GNPDA1: variants seen among roughly 807,000 people sequenced by gnomAD.
GNPDA1 encodes the protein GNPDA 1.
GNPDA1 carries 24 observed loss-of-function variants against 28.5 expected under a neutral mutation model. That is an observed-to-expected ratio of 0.84 (90% CI 0.61 to 1.19). The LOEUF is 1.19. Among genes scored for constraint, GNPDA1 ranks in the 50% most tolerant of loss-of-function variants. The probability of loss-of-function intolerance (pLI) is 0.00; values close to 1 mark genes in which losing one functional copy is unlikely to be tolerated. For synonymous variants in GNPDA1, 147 were observed against 139.3 expected, an observed-to-expected ratio of 1.06 and a Z score of -0.39; for missense variants, 264 against 367.3, an observed-to-expected ratio of 0.72 and a Z score of 2.30.
In GNPDA1 at chr5:142,001,234, C is replaced by G. The variant is rs559601788; in HGVS notation, c.*795G>C. Reference sequence around the variant, plus strand: ...GTCTGTTGCCCCAGTGGACCTCCCACTTACTAATGAGTATGTAAAACAGAG... The same window carrying G: ...GTCTGTTGCCCCAGTGGACCTCCCAGTTACTAATGAGTATGTAAAACAGAG... On this transcript the variant is annotated 3_prime_UTR_variant, in exon 7 of 7. Transcript: ENST00000311337. 1 of 151,918 alleles carries G rather than the reference C, an allele frequency of 6.6e-6. No individual in the cohort carries two copies. The highest frequency in any genetic ancestry group is 2.1e-4 in the South Asian group (1 of 4,794). The allele number at this position is 151,918 out of a possible 1,614,324, so 9.4% of individuals were successfully genotyped here.
Position 142,001,911 on chromosome 5 carries a change from A to C in GNPDA1, c.*118T>G. On this transcript the variant is annotated 3_prime_UTR_variant, in exon 7 of 7. Coordinates refer to ENST00000311337, the MANE Select transcript of GNPDA1 (RefSeq NM_005471.5). The stretch of plus-strand genomic sequence containing the variant: ...CCTCATGGCCAAGAACAATAAGTTC[A>C]CCCACTTATCTGGAGTAACCATACT... 6 of 499,738 alleles carry C rather than the reference A, an allele frequency of 1.2e-5. No individual in the cohort carries two copies. The Middle Eastern group carries it at 1.1e-3, about 94-fold the overall frequency. 31.0% of individuals were successfully genotyped at this position (499,738 alleles called of 1,614,324 possible). A position where few individuals can be genotyped will look rare whatever the true frequency, so the allele number is the denominator to read the frequency against.
Position 142,006,269 on chromosome 5 carries a change from T to G in GNPDA1, c.284A>C (p.Lys95Thr). The change falls in exon 4 of 7, where the codon AAG becomes ACG. Residue 95 changes from lysine (K) to threonine (T), a missense_variant. Physicochemically the swap from Lys to Thr is moderately conservative, Grantham distance 78. Coordinates refer to ENST00000311337, the MANE Select transcript of GNPDA1 (RefSeq NM_005471.5). ...YHSFMWNNFF[K>T]HIDIHPENTH... ...GTTTTCTGGGTGGATGTCAATGTGC[T>G]TGAAGAAGTTGTTCCACATGAAGGA... 3 of 1,614,092 alleles carry G rather than the reference T, an allele frequency of 1.9e-6. No homozygotes were observed. The highest frequency in any genetic ancestry group is 2.5e-6 in the Non-Finnish European group (3 of 1,179,934).
chr5:142,006,094 T>C (rs1439369309), intron 4 of GNPDA1, 50 bp downstream of exon 4: 3 of 1,491,532 alleles, frequency 2.0e-6, no homozygotes, highest in South Asian at 2.4e-5. Context: ...CTTGTCCTCC[T>C]TCCCACGGGT....
In GNPDA1 at chr5:142,004,199, C is replaced by T. The variant is rs77770814; in HGVS notation, c.594+733G>A. The stretch of plus-strand genomic sequence containing the variant: ...TAAAAACAGCGAGTAAACACCCCCA[C>T]CCCACGTACTGATTGAAGATTACCC... On this transcript the variant is annotated intron_variant, in intron 5 of 6. Transcript: ENST00000311337. 3.7e-3 allele frequency among the ~76,000 whole-genome samples: 571 copies of T among 152,294 alleles called. 2 individuals carry two copies. Among genetic ancestry groups the T allele is most frequent in the African/African-American group, 0.013 (539 of 41,554 alleles).
chr5:142,011,856 CT>C (rs1755965652), intron 2 of GNPDA1, 55 bp downstream of exon 2: 2 of 1,600,172 alleles, frequency 1.2e-6, no homozygotes, highest in Non-Finnish European at 8.6e-7. Context: ...TACCTGGCCC[CT>C]GTTGCCTACT....
Position 142,003,003 on chromosome 5 carries a change from A to C in GNPDA1, c.769+85T>G. On this transcript the variant is annotated intron_variant, in intron 6 of 6. Transcript: ENST00000311337. The surrounding 1 kb of genome is among the most constrained non-coding windows in gnomAD (Gnocchi z 4.0). ...AAGATTACAGTTGTCAATTAAAATG[A>C]CCAGAGGATGAAAGCTGGATCTACT... 8.5e-6 allele frequency: 9 copies of C among 1,062,596 alleles called. No homozygotes were observed. Among genetic ancestry groups the C allele is most frequent in the Non-Finnish European group, 1.3e-5 (9 of 719,712 alleles). 65.8% of individuals were successfully genotyped at this position (1,062,596 alleles called of 1,614,324 possible).
chr5:142,004,028 G>A (rs1238060102), intron 5 of GNPDA1, among the ~76,000 whole-genome samples: 1 of 152,152 alleles, frequency 6.6e-6, no homozygotes, highest in Non-Finnish European at 1.5e-5. Flanking sequence ...AAGCAGAGAG[G>A]GAATGTGACT....
In GNPDA1 at chr5:142,006,129, G is replaced by A. The variant is rs200140175; in HGVS notation, c.409+15C>T. The A allele has an allele frequency of 8.5e-4, 1,361 of 1,604,014 alleles. No individual in the cohort carries two copies. The highest frequency in any genetic ancestry group is 1.1e-3 in the Non-Finnish European group (1,301 of 1,172,898). ...TCTGGCCCTGGACATGTGTGCTGCA[G>A]AGTGTCAAGCTCACCTCCAACAAAT... On this transcript the variant is annotated intron_variant, in intron 4 of 6. Transcript: ENST00000311337.
intron 3 of GNPDA1, among the ~76,000 whole-genome samples, chr5:142,007,336 T>C (rs1755832864): frequency 2.0e-5 from 3 of 152,120 alleles, no homozygotes; most frequent in African/African-American, 7.2e-5. Context: ...GTATAGTCTT[T>C]CAGCAGCAGG....
At chr5:142,010,960 C>G (rs1755937515) in intron 2 of GNPDA1, among the ~76,000 whole-genome samples, 1 of 151,746 alleles carries the variant, frequency 6.6e-6, no homozygotes, top group Non-Finnish European at 1.5e-5. Context: ...ATTGTCTTTT[C>G]TTTTTTTGAG....
rs761115700 is a variant in GNPDA1 at position 142,003,071 on chromosome 5, A to G, written c.769+17T>C. On this transcript the variant is annotated intron_variant, in intron 6 of 6. Transcript: ENST00000311337. The surrounding 1 kb of genome is among the most constrained non-coding windows in gnomAD (Gnocchi z 4.0). ...CCTAAGCTTGACCACCTCCTCCTGG[A>G]CCCACACCTCCCTCACCTTTGAAAT... 1.0e-5 allele frequency: 16 copies of G among 1,605,236 alleles called. No homozygotes were observed. Among genetic ancestry groups the G allele is most frequent in the Non-Finnish European group, 1.4e-5 (16 of 1,174,848 alleles).
chr5:142,012,401 G>C (rs945771160), intron 1 of GNPDA1: 1 of 170,812 alleles, frequency 5.9e-6, no homozygotes, highest in Non-Finnish European at 1.3e-5. Context: ...AATATGAAAT[G>C]AGAGAATGCA....
At chr5:142,007,674 T>C in intron 3 of GNPDA1, 125 bp downstream of exon 3, 1 of 678,446 alleles carries the variant, frequency 1.5e-6, no homozygotes, top group Non-Finnish European at 2.7e-6. Flanking sequence ...AAGAGGTAAG[T>C]ATTGATAATT....
intron 2 of GNPDA1, among the ~76,000 whole-genome samples, chr5:142,011,337 G>A (rs1755950453): frequency 6.6e-6 from 1 of 151,596 alleles, no homozygotes; most frequent in Admixed American, 6.6e-5. Flanking sequence ...GGCCACTAGG[G>A]CAAACCCATC....
intron 4 of GNPDA1, chr5:142,005,380 A>G (rs1755777533): frequency 3.0e-6 from 1 of 329,352 alleles, no homozygotes; most frequent in Non-Finnish European, 5.7e-6. Flanking sequence ...TTAACTTGCT[A>G]TCACCCTCAA....
In GNPDA1 at chr5:142,001,304, AAAC is replaced by A. The variant is rs1755672708; in HGVS notation, c.*722_*724del. 6.6e-6 allele frequency: 1 copy of A among 152,306 alleles called. No individual in the cohort carries two copies. The highest frequency in any genetic ancestry group is 2.1e-4 in the South Asian group (1 of 4,828). The allele number at this position is 152,306 out of a possible 1,614,324, so 9.4% of individuals were successfully genotyped here. A position where few individuals can be genotyped will look rare whatever the true frequency, so the allele number is the denominator to read the frequency against. On this transcript the variant is annotated 3_prime_UTR_variant, in exon 7 of 7. Transcript: ENST00000311337. ...ACAAAAACACAGGGCTCTGGGGGAA[AAAC>A]GGCTTCCACCTTCTGCCTTTTGGTG...
intron 5 of GNPDA1, 179 bp downstream of exon 5, chr5:142,004,753 A>C (rs114525461): frequency 1.1e-3 from 521 of 471,424 alleles, no homozygotes; most frequent in Non-Finnish European, 1.7e-3. Context: ...TCACACTGGG[A>C]ATAATGATGT....
At chr5:142,002,464 A>C (rs1052699579) in intron 6 of GNPDA1, among the ~76,000 whole-genome samples, 1 of 152,284 alleles carries the variant, frequency 6.6e-6, no homozygotes, top group African/African-American at 2.4e-5. Context: ...TTTTAAAGTA[A>C]AAGAAGGGCT....
At chr5:142,002,552 A>T (rs762618561) in intron 6 of GNPDA1, among the ~76,000 whole-genome samples, 9 of 152,178 alleles carry the variant, frequency 5.9e-5, no homozygotes, top group Admixed American at 2.6e-4. Context: ...CAGGAGTTTG[A>T]GACCAGCCTA....
Sources: gnomAD v4.1 joint callset for allele counts (sites outside exome capture counted in the v4.1 genomes callset) on GRCh38, gnomAD v4.1.1 for gene constraint, Gnocchi (gnomAD v3.1) non-coding constraint, MANE v1.5 for transcripts, NCBI Gene and HGNC (gene_info 2026-07-23, HGNC 2026-07-21) for gene names.